ZNF704: variants seen among roughly 807,000 people sequenced by gnomAD.
The protein encoded by ZNF704 is zinc finger protein 704.
Under a neutral mutation model 44.7 loss-of-function variants are expected in ZNF704, and 10 were observed. That is an observed-to-expected ratio of 0.22 (90% CI 0.14 to 0.38). ZNF704 has a LOEUF of 0.38. ZNF704 is among the 10% of genes least tolerant of loss of function. ZNF704 has a pLI of 1.00. For missense variants in ZNF704, 390 were observed against 545.5 expected (o/e 0.71, Z 2.84); for synonymous variants, 211 against 207.6 (o/e 1.02, Z -0.14).
Position 80,640,734 on chromosome 8 carries a change from T to G in ZNF704, c.*632A>C, listed in dbSNP as rs1358151341. 1 of 152,180 alleles carries G rather than the reference T, an allele frequency of 6.6e-6. No individual in the cohort carries two copies. Among genetic ancestry groups the G allele is most frequent in the Non-Finnish European group, 1.5e-5 (1 of 68,046 alleles). 9.4% of individuals were successfully genotyped at this position (152,180 alleles called of 1,614,324 possible). A position where few individuals can be genotyped will look rare whatever the true frequency, so the allele number is the denominator to read the frequency against. ...ACAATCCCTTCTCGAGTTTATGCCATCTGGGGCCCTACAAACTAATAGCTC... is the reference window on the plus strand; with the variant it reads ...ACAATCCCTTCTCGAGTTTATGCCAGCTGGGGCCCTACAAACTAATAGCTC... On this transcript the variant is annotated 3_prime_UTR_variant, in exon 9 of 9. Transcript: ENST00000327835.
intron 2 of ZNF704, among the ~76,000 whole-genome samples, chr8:80,790,648 G>A (rs547351034): frequency 6.6e-6 from 1 of 152,234 alleles, no homozygotes; most frequent in African/African-American, 2.4e-5. Context: ...GCGGGAGGTG[G>A]GAATAGGAAG....
At chr8:80,642,226 TCTTA>T (rs1284438714) in intron 8 of ZNF704, among the ~76,000 whole-genome samples, 3 of 152,226 alleles carry the variant, frequency 2.0e-5, no homozygotes, top group Non-Finnish European at 4.4e-5. Context: ...GAAGATTCAT[TCTTA>T]CTGTCGATCT....
intron 1 of ZNF704, among the ~76,000 whole-genome samples, chr8:80,824,549 A>T (rs1186054793): frequency 6.6e-6 from 1 of 152,248 alleles, no homozygotes; most frequent in Non-Finnish European, 1.5e-5. Flanking sequence ...GCAGGCCAAC[A>T]TTCAAATTCA....
At chr8:80,670,715 C>T (rs2131615663) in intron 4 of ZNF704, 112 bp from the exon 5 acceptor site, 2 of 719,212 alleles carry the variant, frequency 2.8e-6, no homozygotes, top group East Asian at 5.4e-5. Context: ...GCATCCCCAG[C>T]CTCTTGACTA....
chr8:80,648,231 C>A (rs943258833), intron 7 of ZNF704, among the ~76,000 whole-genome samples: 1 of 152,172 alleles, frequency 6.6e-6, no homozygotes, highest in Non-Finnish European at 1.5e-5. Context: ...GGGACACTTG[C>A]AAACCACAAC....
chr8:80,710,451 CCAGG>C (rs1228194750), intron 2 of ZNF704, among the ~76,000 whole-genome samples: 7 of 151,938 alleles, frequency 4.6e-5, no homozygotes, highest in Admixed American at 1.3e-4. Flanking sequence ...GGATTTCCAC[CCAGG>C]CAGCTGGCAC....
chr8:80,851,581 G>A (rs560750260), intron 1 of ZNF704, among the ~76,000 whole-genome samples: 1 of 132,288 alleles, frequency 7.6e-6, no homozygotes, highest in Non-Finnish European at 1.6e-5. Flanking sequence ...TTGTGGGGTG[G>A]GGGGAGGGCG....
At chr8:80,791,955 C>T (rs1807715944) in intron 2 of ZNF704, among the ~76,000 whole-genome samples, 1 of 152,172 alleles carries the variant, frequency 6.6e-6, no homozygotes, top group African/African-American at 2.4e-5. Flanking sequence ...GGGTGCCTGA[C>T]TCTTGAGAGC....
chr8:80,834,841 T>C (rs1327518788), intron 1 of ZNF704, among the ~76,000 whole-genome samples: 1 of 152,232 alleles, frequency 6.6e-6, no homozygotes, highest in South Asian at 2.1e-4. Context: ...GCTTCATCCA[T>C]GTCCCTGCAA....
At chr8:80,812,896 T>C (rs1808112895) in intron 2 of ZNF704, among the ~76,000 whole-genome samples, 1 of 152,248 alleles carries the variant, frequency 6.6e-6, no homozygotes, top group Admixed American at 6.5e-5. Context: ...GTACAGAATC[T>C]ATAATGACAA....
At chr8:80,746,849 AG>A (rs1363550753) in intron 2 of ZNF704, among the ~76,000 whole-genome samples, 6 of 152,170 alleles carry the variant, frequency 3.9e-5, no homozygotes, top group Non-Finnish European at 7.4e-5. Context: ...ACCAGGCAAA[AG>A]GTCCTCACAA....
Position 80,646,436 on chromosome 8 carries a change from G to T in ZNF704, c.1033-3307C>A, listed in dbSNP as rs780953527. On this transcript the variant is annotated intron_variant, in intron 7 of 8. Coordinates refer to ENST00000327835, the MANE Select transcript of ZNF704 (RefSeq NM_001033723.3). Reference sequence around the variant, plus strand: ...GGGAGCAGTGAGTCGAGATTGTGCCGTTGCACTCTAGCCTGGGCAACAGAG... The same window carrying T: ...GGGAGCAGTGAGTCGAGATTGTGCCTTTGCACTCTAGCCTGGGCAACAGAG... 1.1e-4 allele frequency among the ~76,000 whole-genome samples: 16 copies of T among 149,878 alleles called. No individual in the cohort carries two copies. The Admixed American group carries it at 1.1e-3, about 10-fold the overall frequency.
rs564672143 is a variant in ZNF704, at chr8:80,641,797, T to C, written c.1128-320A>G. On this transcript the variant is annotated intron_variant, in intron 8 of 8. Coordinates refer to ENST00000327835, the MANE Select transcript of ZNF704 (RefSeq NM_001033723.3). The stretch of plus-strand genomic sequence containing the variant: ...AATCACTTGAACCCGGGAGGTGGAG[T>C]TTGCAGTGAGCCAAGATCGCGCTGC... Among the ~76,000 whole-genome samples, 6 of 151,856 alleles carry C rather than the reference T, an allele frequency of 4.0e-5. No homozygotes were observed. The South Asian group carries it at 1.0e-3, about 26-fold the overall frequency.
intron 1 of ZNF704, among the ~76,000 whole-genome samples, chr8:80,831,172 G>C (rs1053569205): frequency 1.3e-5 from 2 of 152,140 alleles, no homozygotes; most frequent in Admixed American, 1.3e-4. Flanking sequence ...ATAAAACAGA[G>C]ATGGCATGGC....
intron 2 of ZNF704, among the ~76,000 whole-genome samples, chr8:80,798,767 T>TCTC (rs1387980451): frequency 6.6e-6 from 1 of 152,230 alleles, no homozygotes; most frequent in East Asian, 1.9e-4. Context: ...GCAACACCCC[T>TCTC]CTCTCAGTAC....
chr8:80,857,728 A>G (rs1808986694), intron 1 of ZNF704, among the ~76,000 whole-genome samples: 1 of 152,210 alleles, frequency 6.6e-6, no homozygotes, highest in Non-Finnish European at 1.5e-5. Flanking sequence ...TGCTGGTCTC[A>G]TAAAATTTAT....
At chr8:80,875,449 C>T (rs1161700323), upstream of ZNF704, among the ~76,000 whole-genome samples, 2 of 152,078 alleles carry the variant, frequency 1.3e-5, no homozygotes, top group Non-Finnish European at 1.5e-5. Context: ...GGATTAAAGG[C>T]GCGCTCCACC....
At chr8:80,856,374 A>C (rs11989044) in intron 1 of ZNF704, among the ~76,000 whole-genome samples, 2,405 of 152,288 alleles carry the variant, frequency 0.016, 79 homozygotes, top group African/African-American at 0.054. Context: ...TGATGACCTA[A>C]AAACTAAAAC....
At chr8:80,691,417 G>T (rs1305236041) in intron 3 of ZNF704, among the ~76,000 whole-genome samples, 2 of 152,164 alleles carry the variant, frequency 1.3e-5, no homozygotes, top group Non-Finnish European at 2.9e-5. Context: ...TCTTTTTAAT[G>T]CGTGACCTTC....
Sources: allele counts gnomAD v4.1 joint callset (sites outside exome capture counted in the v4.1 genomes callset), GRCh38; gene constraint gnomAD v4.1.1; transcripts MANE v1.5; gene names NCBI Gene and HGNC (gene_info 2026-07-23, HGNC 2026-07-21).